PTPN1: variants seen among roughly 807,000 people sequenced by gnomAD.
The protein encoded by PTPN1 is protein tyrosine phosphatase non-receptor type 1, also known as tyrosine-protein phosphatase non-receptor type 1.
PTPN1 carries 12 observed loss-of-function variants against 59.9 expected under a neutral mutation model. That is an observed-to-expected ratio of 0.20 (90% CI 0.13 to 0.32). PTPN1 has a LOEUF of 0.32. Ranked by LOEUF, PTPN1 falls within the 10% of genes least tolerant of loss-of-function variation. The pLI is 1.00. For synonymous variants in PTPN1, 178 were observed against 203.6 expected, an observed-to-expected ratio of 0.87 and a Z score of 1.07; for missense variants, 356 against 549.2, an observed-to-expected ratio of 0.65 and a Z score of 3.52.
intron 1 of PTPN1, among the ~76,000 whole-genome samples, chr20:50,537,082 T>C (rs2082627032): frequency 6.6e-6 from 1 of 152,184 alleles, no homozygotes; most frequent in African/African-American, 2.4e-5. Flanking sequence ...CCCAGCACTT[T>C]GGGAGGCCGA....
chr20:50,578,862 G>A (rs566871371), intron 6 of PTPN1, among the ~76,000 whole-genome samples: 2 of 152,298 alleles, frequency 1.3e-5, no homozygotes, highest in Middle Eastern at 3.4e-3. Context: ...GCATCTGCTC[G>A]GCTCCTGGGG....
chr20:50,525,218 GC>G (rs1316373846), intron 1 of PTPN1, among the ~76,000 whole-genome samples: 2 of 152,096 alleles, frequency 1.3e-5, no homozygotes, highest in Non-Finnish European at 2.9e-5. Flanking sequence ...CGCCACTACA[GC>G]CGGCTAATTT....
chr20:50,541,622 C>T (rs2082653140), intron 1 of PTPN1, among the ~76,000 whole-genome samples: 1 of 152,170 alleles, frequency 6.6e-6, no homozygotes, highest in African/African-American at 2.4e-5. Flanking sequence ...AGCTTCCTCT[C>T]TCCTTTCTGA....
intron 3 of PTPN1, among the ~76,000 whole-genome samples, chr20:50,567,210 T>G (rs2082783266): frequency 6.6e-6 from 1 of 152,134 alleles, no homozygotes; most frequent in African/African-American, 2.4e-5. Context: ...GGTGGATCAC[T>G]TGGGTCAGGA....
intron 4 of PTPN1, among the ~76,000 whole-genome samples, chr20:50,569,555 G>T (rs1229155377): frequency 6.6e-6 from 1 of 151,664 alleles, no homozygotes. Flanking sequence ...AGACTGTCCT[G>T]TGTAGATTGT....
chr20:50,575,239 T>G (rs546590898), intron 5 of PTPN1, among the ~76,000 whole-genome samples: 1 of 152,194 alleles, frequency 6.6e-6, no homozygotes, highest in East Asian at 1.9e-4. Flanking sequence ...ATCCGTAACT[T>G]GGGGGTGTTC....
At chr20:50,523,703 T>C (rs943192534) in intron 1 of PTPN1, among the ~76,000 whole-genome samples, 2 of 152,206 alleles carry the variant, frequency 1.3e-5, no homozygotes, top group African/African-American at 4.8e-5. Context: ...AGTGGCTGAA[T>C]AAAGATAATC....
chr20:50,562,183 G>A (rs2082755863), intron 2 of PTPN1, among the ~76,000 whole-genome samples: 1 of 152,220 alleles, frequency 6.6e-6, no homozygotes, highest in African/African-American at 2.4e-5. Flanking sequence ...GACATTGTCA[G>A]GCAGTGAGGG....
In PTPN1 at chr20:50,579,844, G is replaced by A; in HGVS notation, c.1006G>A (p.Glu336Lys). 1 of 1,614,212 alleles carries A rather than the reference G, an allele frequency of 6.2e-7. No homozygotes were observed. The highest frequency in any genetic ancestry group is 8.5e-7 in the Non-Finnish European group (1 of 1,180,050). The change falls in exon 8 of 10, where the codon GAA (glutamate) becomes AAA (lysine). Residue 336 changes from glutamate to lysine, a missense_variant. Coordinates refer to ENST00000371621, the MANE Select transcript of PTPN1 (RefSeq NM_002827.4). Reference sequence around the variant, plus strand: ...CTTCCCAAATCACCAGTGGGTGAAGGAAGAGACCCAGGAGGATAAAGACTG... The same window carrying A: ...CTTCCCAAATCACCAGTGGGTGAAGAAAGAGACCCAGGAGGATAAAGACTG... ...EFFPNHQWVK[E>K]ETQEDKDCPI...
intron 5 of PTPN1, 35 bp from the exon 6 acceptor site, chr20:50,578,385 C>G (rs748471704): frequency 1.9e-6 from 3 of 1,553,138 alleles, no homozygotes; most frequent in Non-Finnish European, 2.7e-6. Context: ...ACAGATGATT[C>G]TTTTAGAATC....
chr20:50,572,920 CTCA>C (rs2122794055), intron 4 of PTPN1: 1 of 152,312 alleles, frequency 6.6e-6, no homozygotes, highest in Non-Finnish European at 1.5e-5. Context: ...CTTTTGGCAA[CTCA>C]TCATTGATCC....
At chr20:50,534,367 A>AT (rs954747997) in intron 1 of PTPN1, among the ~76,000 whole-genome samples, 5 of 152,268 alleles carry the variant, frequency 3.3e-5, no homozygotes, top group Admixed American at 2.6e-4. Context: ...CACTTACGCC[A>AT]TTTTTTTACC....
Position 50,584,658 on chromosome 20 carries a change from G to A in PTPN1, c.*1943G>A, listed in dbSNP as rs931120896. On this transcript the variant is annotated 3_prime_UTR_variant, in exon 10 of 10. Coordinates refer to ENST00000371621, the MANE Select transcript of PTPN1 (RefSeq NM_002827.4). Reference sequence around the variant, plus strand: ...GGGGGGGAGTGTCTCAGGGTCTTCTGTGACCTCACAGAACTGTCAGACTGT... The same window carrying A: ...GGGGGGGAGTGTCTCAGGGTCTTCTATGACCTCACAGAACTGTCAGACTGT... 18 of 152,116 alleles carry A rather than the reference G, an allele frequency of 1.2e-4. No individual in the cohort carries two copies. The highest frequency in any genetic ancestry group is 3.9e-4 in the African/African-American group (16 of 41,414). 9.4% of individuals were successfully genotyped at this position (152,116 alleles called of 1,614,324 possible). A position where few individuals can be genotyped will look rare whatever the true frequency, so the allele number is the denominator to read the frequency against.
At chr20:50,517,311 G>A (rs966597953) in intron 1 of PTPN1, among the ~76,000 whole-genome samples, 9 of 152,116 alleles carry the variant, frequency 5.9e-5, no homozygotes, top group African/African-American at 2.2e-4. Context: ...CTGGAGTGCA[G>A]TGGCACAATC....
At chr20:50,560,613 CT>C (rs762154823) in intron 1 of PTPN1, among the ~76,000 whole-genome samples, 664 of 138,236 alleles carry the variant, frequency 4.8e-3, no homozygotes, top group Admixed American at 5.3e-3. Context: ...ATGGGGCTGT[CT>C]TTTTTTTTTT....
At chr20:50,581,562 G>C in intron 9 of PTPN1, 102 bp downstream of exon 9, 1 of 1,305,042 alleles carries the variant, frequency 7.7e-7, no homozygotes, top group South Asian at 1.6e-5. Context: ...ATCTGAGCCA[G>C]TCTCAGAAGA....
chr20:50,557,511 A>G (rs1334641388), intron 1 of PTPN1, among the ~76,000 whole-genome samples: 1 of 151,648 alleles, frequency 6.6e-6, no homozygotes, highest in Non-Finnish European at 1.5e-5. Context: ...CACCGCCCCC[A>G]TTTTCCCAAT....
At chr20:50,527,415 C>T (rs529676564) in intron 1 of PTPN1, among the ~76,000 whole-genome samples, 43 of 152,180 alleles carry the variant, frequency 2.8e-4, no homozygotes, top group African/African-American at 1.0e-3. Flanking sequence ...GCAGTCTTGG[C>T]TCACTGCAAC....
chr20:50,582,865 A>G lies in PTPN1; in HGVS notation c.*150A>G. ...GGACGTTGGTTCTGCACTAAAACCC[A>G]TCTTCCCCGGATGTGTGTCTCACCC... On this transcript the variant is annotated 3_prime_UTR_variant, in exon 10 of 10. Transcript: ENST00000371621. The surrounding 1 kb of genome is among the most constrained non-coding windows in gnomAD (Gnocchi z 4.2). 2.3e-6 allele frequency: 2 copies of G among 867,804 alleles called. No individual in the cohort carries two copies. Among genetic ancestry groups the G allele is most frequent in the Non-Finnish European group, 3.6e-6 (2 of 550,872 alleles). The allele number at this position is 867,804 out of a possible 1,614,324, so 53.8% of individuals were successfully genotyped here.
Sources: gnomAD v4.1 joint callset for allele counts (sites outside exome capture counted in the v4.1 genomes callset) on GRCh38, gnomAD v4.1.1 for gene constraint, Gnocchi (gnomAD v3.1) non-coding constraint, MANE v1.5 for transcripts, NCBI Gene and HGNC (gene_info 2026-07-23, HGNC 2026-07-21) for gene names.